The following CNTN4 variants were observed in gnomAD, a reference collection of about 807,000 sequenced individuals.
CNTN4 encodes the protein contactin 4.
CNTN4 carries 77 observed loss-of-function variants against 122.5 expected under a neutral mutation model. That is an observed-to-expected ratio of 0.63 (90% confidence interval 0.52 to 0.76). The LOEUF (loss-of-function observed/expected upper bound fraction) is 0.76. Ranked by LOEUF, CNTN4 falls within the 30% of genes least tolerant of loss-of-function variation. The pLI is 0.00. For synonymous variants in CNTN4, 512 were observed against 447.0 expected (o/e 1.15, Z -1.83); for missense variants, 1,256 against 1,259.1 (o/e 1.00, Z 0.04).
At chr3:2,532,789 T>G (rs116611499) in intron 3 of CNTN4, among the ~76,000 whole-genome samples, 1 of 152,298 alleles carries the variant, frequency 6.6e-6, no homozygotes, top group Non-Finnish European at 1.5e-5. Context: ...AATAAGATTA[T>G]ATTTTGATAG....
intron 2 of CNTN4, among the ~76,000 whole-genome samples, chr3:2,261,440 A>C (rs1364498911): frequency 6.6e-6 from 1 of 152,198 alleles, no homozygotes; most frequent in Non-Finnish European, 1.5e-5. Flanking sequence ...ATAAGATTTT[A>C]TTAAATAACA....
chr3:2,899,976 G>T (rs552038031), intron 10 of CNTN4, among the ~76,000 whole-genome samples: 5 of 152,262 alleles, frequency 3.3e-5, no homozygotes, highest in East Asian at 3.9e-4. Flanking sequence ...CACAAAGGAG[G>T]CCCCAAAATA....
At chr3:2,789,296 A>C (rs2091933783) in intron 6 of CNTN4, among the ~76,000 whole-genome samples, 2 of 152,220 alleles carry the variant, frequency 1.3e-5, no homozygotes, top group South Asian at 2.1e-4. Flanking sequence ...TCCAAGGAGC[A>C]CTTGCAAGAA....
At chr3:2,695,202 T>G (rs2085958442) in intron 4 of CNTN4, among the ~76,000 whole-genome samples, 1 of 152,146 alleles carries the variant, frequency 6.6e-6, no homozygotes, top group Non-Finnish European at 1.5e-5. Context: ...CTTTGATTTG[T>G]GTATGAGAAA....
intron 2 of CNTN4, among the ~76,000 whole-genome samples, chr3:2,158,886 T>C (rs1559296911): frequency 6.6e-6 from 1 of 152,180 alleles, no homozygotes; most frequent in Non-Finnish European, 1.5e-5. Flanking sequence ...TTTAAAAATG[T>C]TGGCAACAAA....
At chr3:2,308,349 C>T (rs2042792942) in intron 2 of CNTN4, among the ~76,000 whole-genome samples, 1 of 151,692 alleles carries the variant, frequency 6.6e-6, no homozygotes, top group Non-Finnish European at 1.5e-5. Flanking sequence ...TTTCTAAGAC[C>T]CAATTTTTGT....
intron 2 of CNTN4, among the ~76,000 whole-genome samples, chr3:2,277,536 C>A (rs917925216): frequency 6.6e-6 from 1 of 152,090 alleles, no homozygotes; most frequent in African/African-American, 2.4e-5. Context: ...TTTCTGGTCT[C>A]CCCCTCTTGC....
intron 4 of CNTN4, among the ~76,000 whole-genome samples, chr3:2,729,101 C>G (rs1423468570): frequency 6.6e-6 from 1 of 152,182 alleles, no homozygotes; most frequent in African/African-American, 2.4e-5. Context: ...CCAACAGAGT[C>G]AGTTGAATTT....
chr3:2,439,080 A>G (rs1356238805), intron 3 of CNTN4, among the ~76,000 whole-genome samples: 4 of 152,212 alleles, frequency 2.6e-5, no homozygotes, highest in Non-Finnish European at 5.9e-5. Flanking sequence ...GAGATCCTTA[A>G]GGATTACTTT....
chr3:2,359,327 T>G (rs771531003), intron 3 of CNTN4, among the ~76,000 whole-genome samples: 8 of 152,052 alleles, frequency 5.3e-5, no homozygotes, highest in Non-Finnish European at 1.0e-4. Flanking sequence ...CAACATACAT[T>G]ATATATATAG....
intron 6 of CNTN4, among the ~76,000 whole-genome samples, chr3:2,778,193 G>A (rs886601103): frequency 7.5e-5 from 9 of 120,256 alleles, no homozygotes; most frequent in South Asian, 3.1e-4. Context: ...CAGCCTGGGC[G>A]ACAGAGCGAG....
intron 3 of CNTN4, among the ~76,000 whole-genome samples, chr3:2,388,948 A>G (rs1345424890): frequency 3.3e-5 from 5 of 152,088 alleles, no homozygotes; most frequent in African/African-American, 1.2e-4. Flanking sequence ...ACCTAAGGTC[A>G]GGAGTTCGAG....
At chr3:2,488,882 T>G (rs773282197) in intron 3 of CNTN4, among the ~76,000 whole-genome samples, 11 of 152,198 alleles carry the variant, frequency 7.2e-5, no homozygotes, top group Non-Finnish European at 1.2e-4. Context: ...TAATGTAGTG[T>G]TATTTAAATT....
At chr3:2,462,647 A>G (rs1486804402) in intron 3 of CNTN4, among the ~76,000 whole-genome samples, 1 of 152,228 alleles carries the variant, frequency 6.6e-6, no homozygotes, top group Non-Finnish European at 1.5e-5. Flanking sequence ...GACAAAAATA[A>G]AAAGAGGAAT....
intron 3 of CNTN4, among the ~76,000 whole-genome samples, chr3:2,434,584 C>T (rs1169229403): frequency 6.6e-6 from 1 of 152,148 alleles, no homozygotes; most frequent in South Asian, 2.1e-4. Flanking sequence ...TTTGTAATTT[C>T]CGGGGCTGGC....
chr3:2,143,939 A>T (rs995415273), intron 2 of CNTN4, among the ~76,000 whole-genome samples: 1 of 152,210 alleles, frequency 6.6e-6, no homozygotes, highest in African/African-American at 2.4e-5. Flanking sequence ...TTTTAGGGCT[A>T]CTCAGATACA....
At chr3:2,630,737 A>G (rs1261834638) in intron 4 of CNTN4, among the ~76,000 whole-genome samples, 2 of 143,484 alleles carry the variant, frequency 1.4e-5, no homozygotes, top group African/African-American at 2.7e-5. Flanking sequence ...TGTGTACTAT[A>G]TGTTTAATAA....
intron 14 of CNTN4, among the ~76,000 whole-genome samples, chr3:3,000,886 T>C (rs1695969362): frequency 2.0e-5 from 3 of 151,758 alleles, no homozygotes; most frequent in African/African-American, 7.3e-5. Flanking sequence ...CTTTCTTTTT[T>C]TTTTTTTTTT....
chr3:2,612,141 A>AC (rs2081525147), intron 4 of CNTN4, among the ~76,000 whole-genome samples: 1 of 143,420 alleles, frequency 7.0e-6, no homozygotes, highest in African/African-American at 2.5e-5. Context: ...CACACACACA[A>AC]CAGACAGAGA....
Sources: allele counts gnomAD v4.1 joint callset (sites outside exome capture counted in the v4.1 genomes callset), GRCh38; gene constraint gnomAD v4.1.1; transcripts MANE v1.5; gene names NCBI Gene and HGNC (gene_info 2026-07-23, HGNC 2026-07-21).